CTCF: variants seen among roughly 807,000 people sequenced by gnomAD.
CTCF encodes the protein CCCTC-binding factor.
A neutral mutation model predicts 72.3 loss-of-function variants in CTCF; 7 were observed. That is an observed-to-expected ratio of 0.10 (90% confidence interval 0.06 to 0.18). The LOEUF (loss-of-function observed/expected upper bound fraction) is 0.18. Among genes scored for constraint, CTCF ranks in the 10% least tolerant of loss-of-function variants. The pLI, the probability that CTCF is intolerant of heterozygous loss-of-function variation, is 1.00. For missense variants in CTCF, 516 were observed against 949.1 expected, an observed-to-expected ratio of 0.54 and a Z score of 6.00; for synonymous variants, 374 against 315.8, an observed-to-expected ratio of 1.18 and a Z score of -1.95.
chr16:67,567,732 A>G (rs1026852055), intron 1 of CTCF, among the ~76,000 whole-genome samples: 1 of 151,766 alleles, frequency 6.6e-6, no homozygotes, highest in Non-Finnish European at 1.5e-5. Context: ...CTGGTACTAT[A>G]GGCGTGTGCC....
intron 10 of CTCF, among the ~76,000 whole-genome samples, chr16:67,635,001 T>A (rs1040322210): frequency 3.4e-5 from 5 of 148,130 alleles, no homozygotes; most frequent in African/African-American, 1.3e-4. Flanking sequence ...CTGCGCTGGG[T>A]AAATTTTGTT....
chr16:67,614,679 C>T (rs770763347), intron 4 of CTCF: 1 of 151,948 alleles, frequency 6.6e-6, no homozygotes, highest in Non-Finnish European at 1.5e-5. Flanking sequence ...GAAATCCTGT[C>T]TCTATTAAAA....
chr16:67,588,600 G>A (rs1175328920), intron 2 of CTCF, among the ~76,000 whole-genome samples: 1 of 152,134 alleles, frequency 6.6e-6, no homozygotes, highest in Non-Finnish European at 1.5e-5. Flanking sequence ...CACCAATGTT[G>A]ACTCACAGAT....
chr16:67,599,440 T>A (rs1183504805), intron 2 of CTCF, among the ~76,000 whole-genome samples: 1 of 152,046 alleles, frequency 6.6e-6, no homozygotes, highest in African/African-American at 2.4e-5. Flanking sequence ...AACTGATCCA[T>A]GCCCCCTAAG....
intron 2 of CTCF, among the ~76,000 whole-genome samples, chr16:67,603,392 G>C (rs1425769559): frequency 6.6e-6 from 1 of 151,838 alleles, no homozygotes; most frequent in East Asian, 1.9e-4. Flanking sequence ...AATTAGCTGG[G>C]AGTGCTGGTG....
intron 11 of CTCF, among the ~76,000 whole-genome samples, chr16:67,637,370 A>G (rs972580346): frequency 6.6e-6 from 1 of 152,124 alleles, no homozygotes; most frequent in Non-Finnish European, 1.5e-5. Context: ...CATCTCTGCT[A>G]AAAATACAAA....
chr16:67,604,878 A>G (rs2051952531), intron 2 of CTCF, among the ~76,000 whole-genome samples: 1 of 150,650 alleles, frequency 6.6e-6, no homozygotes. Context: ...TATTCTAAAG[A>G]TAATCTGTCT....
intron 2 of CTCF, among the ~76,000 whole-genome samples, chr16:67,575,875 A>G (rs571287730): frequency 1.3e-5 from 2 of 152,182 alleles, no homozygotes; most frequent in Admixed American, 6.6e-5. Context: ...TCTGTTGAGC[A>G]GTAGAGAAGT....
chr16:67,601,659 A>G (rs2051893815), intron 2 of CTCF, among the ~76,000 whole-genome samples: 1 of 152,084 alleles, frequency 6.6e-6, no homozygotes, highest in Admixed American at 6.6e-5. Context: ...TATTAAAAAT[A>G]GAAGCTATTG....
intron 10 of CTCF, 121 bp from the exon 11 acceptor site, chr16:67,636,569 G>GTATATATATATATATATATATA (rs66893507): frequency 1.3e-5 from 3 of 234,552 alleles, no homozygotes; most frequent in African/African-American, 7.7e-5. Context: ...GAAAGAAAGT[G>GTATATATATATATATATATATA]TATATATATA....
intron 5 of CTCF, among the ~76,000 whole-genome samples, chr16:67,619,785 T>C (rs1434234045): frequency 6.6e-6 from 1 of 152,186 alleles, no homozygotes; most frequent in African/African-American, 2.4e-5. Flanking sequence ...GGTTTTGCCA[T>C]GTTGCCCAGG....
At chr16:67,566,860 C>G (rs979180675) in intron 1 of CTCF, among the ~76,000 whole-genome samples, 1 of 151,620 alleles carries the variant, frequency 6.6e-6, no homozygotes, top group South Asian at 2.1e-4. Context: ...CGTGAGCCAC[C>G]GTGCCCGGCC....
At chr16:67,580,867 C>T (rs1463567370) in intron 2 of CTCF, among the ~76,000 whole-genome samples, 5 of 151,044 alleles carry the variant, frequency 3.3e-5, no homozygotes, top group African/African-American at 7.3e-5. Flanking sequence ...CCACCCACGT[C>T]GGCCTCCCAA....
chr16:67,584,168 C>T (rs1423423884), intron 2 of CTCF, among the ~76,000 whole-genome samples: 2 of 151,498 alleles, frequency 1.3e-5, no homozygotes, highest in East Asian at 2.0e-4. Context: ...GTCAGGAGTT[C>T]GAGACTAGCT....
intron 2 of CTCF, among the ~76,000 whole-genome samples, chr16:67,591,379 C>T (rs2051741879): frequency 1.3e-5 from 2 of 152,166 alleles, no homozygotes; most frequent in Admixed American, 6.5e-5. Flanking sequence ...AGGCTGCTTC[C>T]GTTCCCAGTC....
intron 1 of CTCF, among the ~76,000 whole-genome samples, chr16:67,566,791 G>A (rs2051348613): frequency 6.6e-6 from 1 of 152,030 alleles, no homozygotes; most frequent in Non-Finnish European, 1.5e-5. Flanking sequence ...GTGTTAGCAA[G>A]GATGGTTTCG....
At position 67,629,552 on chromosome 16, in the gene CTCF, G is replaced by T; in HGVS notation, c.1837+19G>T. 1.2e-6 allele frequency: 2 copies of T among 1,611,120 alleles called. No homozygotes were observed. Among genetic ancestry groups the T allele is most frequent in the South Asian group, 2.2e-5 (2 of 90,678 alleles). On this transcript the variant is annotated intron_variant, in intron 10 of 11. Transcript: ENST00000264010. Reference sequence around the variant, plus strand: ...GACAGTGGTAAGTGACTTGTTCCTTGATTTGCTTACTATGGCAGGCTTTGG... The same window carrying T: ...GACAGTGGTAAGTGACTTGTTCCTTTATTTGCTTACTATGGCAGGCTTTGG...
chr16:67,628,973 A>G (rs2052327051), intron 9 of CTCF, among the ~76,000 whole-genome samples: 2 of 151,434 alleles, frequency 1.3e-5, no homozygotes, highest in South Asian at 4.2e-4. Context: ...GATGGCGTGT[A>G]CCCGGGAGGC....
intron 1 of CTCF, chr16:67,563,858 G>C (rs1210652466): frequency 6.6e-6 from 1 of 152,218 alleles, no homozygotes; most frequent in Non-Finnish European, 1.5e-5. Context: ...CCCCAGGATT[G>C]TGCAACTCGA....
Sources: allele counts gnomAD v4.1 joint callset (sites outside exome capture counted in the v4.1 genomes callset), GRCh38; gene constraint gnomAD v4.1.1; transcripts MANE v1.5; gene names NCBI Gene and HGNC (gene_info 2026-07-23, HGNC 2026-07-21).